The following MTBP variants were observed in gnomAD, a reference collection of about 807,000 sequenced individuals.
MTBP encodes the protein MDM2 binding protein, also known as mdm2-binding protein.
Under a neutral mutation model 117.0 loss-of-function variants are expected in MTBP, and 101 were observed. That is an observed-to-expected ratio of 0.86 (90% confidence interval 0.73 to 1.02). The LOEUF is 1.02. MTBP is among the 50% of genes least tolerant of loss of function. MTBP has a pLI of 0.00. For synonymous variants in MTBP, 350 were observed against 351.5 expected, an observed-to-expected ratio of 1.00 and a Z score of 0.05; for missense variants, 970 against 1,030.9, an observed-to-expected ratio of 0.94 and a Z score of 0.81.
At chr8:120,453,226 G>A (rs1018324723) in intron 4 of MTBP, among the ~76,000 whole-genome samples, 4 of 152,078 alleles carry the variant, frequency 2.6e-5, no homozygotes, top group African/African-American at 9.7e-5. Flanking sequence ...TGAGGCAGAC[G>A]GATAACCTGA....
Position 120,518,074 on chromosome 8 carries a change from G to T in MTBP, c.2470G>T (p.Glu824Ter). ...HESKTSRQIK[E>*]SRSQKHTRIL... ...ATCAAAAACATCAAGGCAAATTAAG[G>T]AATCAAGATCACAGAAACACACACG... Residue 824 changes from glutamate (E) to a stop codon, truncating the protein, a stop_gained, in exon 19 of 22, where the codon GAA (glutamate) becomes TAA (stop). Transcript: ENST00000305949. LOFTEE classifies it high-confidence loss of function. 6.2e-7 allele frequency: 1 copy of T among 1,612,274 alleles called. No individual in the cohort carries two copies. Among genetic ancestry groups the T allele is most frequent in the South Asian group, 1.1e-5 (1 of 90,978 alleles).
At chr8:120,448,357 A>G (rs1355490234) in intron 2 of MTBP, among the ~76,000 whole-genome samples, 1 of 152,182 alleles carries the variant, frequency 6.6e-6, no homozygotes, top group Non-Finnish European at 1.5e-5. Context: ...CTATTTTTAG[A>G]ACTCTATTTA....
At chr8:120,518,966 A>T in intron 20 of MTBP, 149 bp downstream of exon 20, 1 of 552,994 alleles carries the variant, frequency 1.8e-6, no homozygotes, top group South Asian at 2.7e-5. Context: ...ATTGAAGCCA[A>T]AATACTTTAT....
intron 14 of MTBP, among the ~76,000 whole-genome samples, chr8:120,499,803 C>T (rs1276072654): frequency 6.6e-6 from 1 of 152,138 alleles, no homozygotes; most frequent in Non-Finnish European, 1.5e-5. Flanking sequence ...AAGACTTTGA[C>T]AAAGTCAAAT....
intron 11 of MTBP, among the ~76,000 whole-genome samples, chr8:120,484,052 AT>A (rs753903180): frequency 5.3e-5 from 8 of 152,084 alleles, no homozygotes; most frequent in Non-Finnish European, 1.0e-4. Flanking sequence ...TACAGTAAAT[AT>A]TTTTCTTTTG....
At chr8:120,474,238 G>A (rs984162524) in intron 11 of MTBP, among the ~76,000 whole-genome samples, 70 of 151,918 alleles carry the variant, frequency 4.6e-4, no homozygotes, top group African/African-American at 1.6e-3. Flanking sequence ...ATCATTAAGG[G>A]CTGATTAAGC....
intron 10 of MTBP, among the ~76,000 whole-genome samples, chr8:120,469,237 G>A (rs1813766210): frequency 1.3e-5 from 2 of 151,834 alleles, no homozygotes; most frequent in Non-Finnish European, 2.9e-5. Context: ...GTAGAGACAA[G>A]GTTACACCAT....
At chr8:120,492,156 G>A (rs980921300) in intron 13 of MTBP, among the ~76,000 whole-genome samples, 5 of 152,176 alleles carry the variant, frequency 3.3e-5, no homozygotes, top group Non-Finnish European at 5.9e-5. Flanking sequence ...GCCAATTTGC[G>A]ATCAGAAGCA....
chr8:120,490,588 T>C lies in MTBP; in HGVS notation c.1447+18T>C, dbSNP rs1260403450. On this transcript the variant is annotated intron_variant, in intron 13 of 21. Transcript: ENST00000305949. Reference sequence around the variant, plus strand: ...ATGCCTAAGTAAGTAACAATTTGTGTATTTTATCCTACCCTAAAAATGTTG... The same window carrying C: ...ATGCCTAAGTAAGTAACAATTTGTGCATTTTATCCTACCCTAAAAATGTTG... The C allele has an allele frequency of 2.7e-6, 4 of 1,482,100 alleles. No individual in the cohort carries two copies. Among genetic ancestry groups the C allele is most frequent in the Non-Finnish European group, 3.7e-6 (4 of 1,076,590 alleles). The allele number at this position is 1,482,100 out of a possible 1,614,324, so 91.8% of individuals were successfully genotyped here.
intron 4 of MTBP, among the ~76,000 whole-genome samples, chr8:120,453,384 C>CT (rs1563783590): frequency 6.6e-6 from 1 of 151,870 alleles, no homozygotes; most frequent in Non-Finnish European, 1.5e-5. Context: ...GGGATTGAGG[C>CT]TGCAGTGAGC....
At chr8:120,461,950 T>A (rs1300345940) in intron 9 of MTBP, among the ~76,000 whole-genome samples, 1 of 152,178 alleles carries the variant, frequency 6.6e-6, no homozygotes, top group African/African-American at 2.4e-5. Flanking sequence ...TATTGAAAGT[T>A]CTTTGCTGCA....
In MTBP at chr8:120,452,170, C is replaced by T. The variant is rs550049169; in HGVS notation, c.425+848C>T. On this transcript the variant is annotated intron_variant, in intron 4 of 21. Transcript: ENST00000305949. ...ATTTTTCTCTTGATGAAATATCCCA[C>T]CTCTTATAGTTAATACCTTTTATTT... is the stretch of plus-strand genomic sequence containing the variant. The T allele has an allele frequency of 5.9e-5, 9 of 152,222 alleles. No homozygotes were observed. The South Asian group carries it at 1.9e-3, about 32-fold the overall frequency. The allele number at this position is 152,222 out of a possible 1,614,324, so 9.4% of individuals were successfully genotyped here.
chr8:120,461,040 T>C (rs1357495367), intron 8 of MTBP, 121 bp from the exon 9 acceptor site: 1 of 640,792 alleles, frequency 1.6e-6, no homozygotes. Context: ...ATGCTAGGCA[T>C]GCTTAATGTG....
chr8:120,448,227 C>T (rs570483753), intron 2 of MTBP, among the ~76,000 whole-genome samples: 4 of 152,238 alleles, frequency 2.6e-5, no homozygotes, highest in South Asian at 2.1e-4. Context: ...CCACTGTGCC[C>T]GACCTGGACT....
intron 20 of MTBP, among the ~76,000 whole-genome samples, chr8:120,519,580 C>T (rs923005022): frequency 3.9e-5 from 6 of 152,046 alleles, no homozygotes; most frequent in Non-Finnish European, 8.8e-5. Flanking sequence ...GCAGATCTAT[C>T]ACATATCCAA....
chr8:120,480,032 A>G (rs1318241438), intron 11 of MTBP, among the ~76,000 whole-genome samples: 1 of 152,138 alleles, frequency 6.6e-6, no homozygotes, highest in Non-Finnish European at 1.5e-5. Context: ...GAAAACCCCA[A>G]AACATTACTG....
intron 16 of MTBP, among the ~76,000 whole-genome samples, chr8:120,508,381 A>C (rs541929941): frequency 6.6e-6 from 1 of 152,334 alleles, no homozygotes; most frequent in East Asian, 1.9e-4. Flanking sequence ...GATTGATATG[A>C]GAAATGAGAG....
At position 120,490,537 on chromosome 8, in the gene MTBP, A is replaced by C; in HGVS notation, c.1414A>C (p.Asn472His). The stretch of plus-strand genomic sequence containing the variant: ...TGTACAGAGAGAGAAACAGTTAGCT[A>C]ATGTTCAAGTTTTAGCTTTGGAAGA... ...QIVQREKQLA[N>H]VQVLALEECL... is the part of the protein sequence containing the mutation. Residue 472 changes from asparagine to histidine, a missense_variant, in exon 13 of 22, where the codon AAT becomes CAT. Coordinates refer to ENST00000305949, the MANE Select transcript of MTBP (RefSeq NM_022045.5). The C allele has an allele frequency of 1.2e-6, 2 of 1,608,224 alleles. No individual in the cohort carries two copies. The highest frequency in any genetic ancestry group is 1.1e-5 in the South Asian group (1 of 89,246).
Position 120,518,017 on chromosome 8 carries a change from A to G in MTBP, c.2413A>G (p.Lys805Glu), listed in dbSNP as rs1586975352. 6.2e-7 allele frequency: 1 copy of G among 1,612,944 alleles called. No homozygotes were observed. ...CTGTGAAACTCCAAAACTTGCTACAAAGACCAGTTCAGGTCAAAAAAGTAT... is the reference window on the plus strand; with the variant it reads ...CTGTGAAACTCCAAAACTTGCTACAGAGACCAGTTCAGGTCAAAAAAGTAT... Reference protein sequence around the residue: ...PSCETPKLATKTSSGQKSMHE... With the variant: ...PSCETPKLATETSSGQKSMHE... Residue 805 changes from lysine to glutamate, a missense_variant, in exon 19 of 22, where the codon AAG becomes GAG. Coordinates refer to ENST00000305949, the MANE Select transcript of MTBP (RefSeq NM_022045.5).
Sources: gnomAD v4.1 joint callset for allele counts (sites outside exome capture counted in the v4.1 genomes callset) on GRCh38, gnomAD v4.1.1 for gene constraint, MANE v1.5 for transcripts, NCBI Gene and HGNC (gene_info 2026-07-23, HGNC 2026-07-21) for gene names.